Variants in SUPT3H observed in about 807,000 individuals in gnomAD.
SUPT3H encodes the protein transcription initiation protein SPT3 homolog.
Under a neutral mutation model 44.3 loss-of-function variants are expected in SUPT3H, and 44 were observed. The ratio of observed to expected loss-of-function variants is 0.99; its 90% CI spans 0.78 to 1.28. SUPT3H has a LOEUF of 1.28. Ranked by LOEUF, SUPT3H falls within the 50% of genes most tolerant of loss-of-function variation. The pLI, the probability that SUPT3H is intolerant of heterozygous loss-of-function variation, is 0.00. For synonymous variants in SUPT3H, 124 were observed against 125.6 expected (o/e 0.99, Z 0.09); for missense variants, 380 against 387.1 (o/e 0.98, Z 0.15).
intron 2 of SUPT3H, among the ~76,000 whole-genome samples, chr6:45,247,784 A>T (rs181061201): frequency 6.6e-6 from 1 of 152,268 alleles, no homozygotes; most frequent in African/African-American, 2.4e-5. Context: ...GTTGAAAAAG[A>T]AGAACAAAAA....
chr6:45,210,116 G>A, intron 2 of SUPT3H, among the ~76,000 whole-genome samples: 1 of 151,966 alleles, frequency 6.6e-6, no homozygotes, highest in Non-Finnish European at 1.5e-5. Flanking sequence ...AAGACATAAG[G>A]CTACTGGAAA....
intron 2 of SUPT3H, among the ~76,000 whole-genome samples, chr6:45,255,909 T>G (rs1773303400): frequency 6.6e-6 from 1 of 152,218 alleles, no homozygotes; most frequent in African/African-American, 2.4e-5. Flanking sequence ...TGGTGGCTCA[T>G]GCCTATAATC....
rs1378271158 is a variant in SUPT3H at position 45,014,796 on chromosome 6, G to A, written c.364+5C>T. 6.4e-7 allele frequency: 1 copy of A among 1,565,582 alleles called. No homozygotes were observed. The highest frequency in any genetic ancestry group is 1.4e-5 in the African/African-American group (1 of 72,852). On this transcript the variant is annotated splice_donor_5th_base_variant and intron_variant, in intron 5 of 10. Coordinates refer to ENST00000371459, the MANE Select transcript of SUPT3H (RefSeq NM_003599.4). Reference sequence around the variant, plus strand: ...TGTTTTAGTTTTGTGTTTTGTTTTGGTTACCTTCGAGAAGATCATCCTCAT... The same window carrying A: ...TGTTTTAGTTTTGTGTTTTGTTTTGATTACCTTCGAGAAGATCATCCTCAT...
intron 6 of SUPT3H, among the ~76,000 whole-genome samples, chr6:44,980,744 G>A (rs1778982456): frequency 6.6e-6 from 1 of 152,084 alleles, no homozygotes; most frequent in South Asian, 2.1e-4. Flanking sequence ...CCTCTAATAA[G>A]TTTAAGAATG....
intron 3 of SUPT3H, among the ~76,000 whole-genome samples, chr6:45,092,750 CAAAAAAAA>C (rs71674371): frequency 0.41 from 52,052 of 127,938 alleles, 9,884 homozygotes; most frequent in Admixed American, 0.48. Context: ...GACTTCGTCT[CAAAAAAAA>C]AAAAAAAAAA....
intron 6 of SUPT3H, among the ~76,000 whole-genome samples, chr6:44,969,669 C>A (rs1002964836): frequency 1.2e-4 from 18 of 152,152 alleles, no homozygotes; most frequent in African/African-American, 3.4e-4. Context: ...AAGGGACCGA[C>A]TCAGAATCCT....
chr6:45,185,403 CAA>C (rs1246336679), intron 2 of SUPT3H, among the ~76,000 whole-genome samples: 1 of 152,084 alleles, frequency 6.6e-6, no homozygotes, highest in Non-Finnish European at 1.5e-5. Flanking sequence ...TACCCAGAAG[CAA>C]AGAGACTTGT....
chr6:44,817,185 A>G (rs1184748795), intron 11 of SUPT3H, among the ~76,000 whole-genome samples: 2 of 152,052 alleles, frequency 1.3e-5, no homozygotes, highest in East Asian at 3.9e-4. Flanking sequence ...CCAGTAATGA[A>G]AGATTAGTTC....
At chr6:45,029,885 C>T (rs1786648927) in intron 3 of SUPT3H, among the ~76,000 whole-genome samples, 1 of 152,200 alleles carries the variant, frequency 6.6e-6, no homozygotes, top group Non-Finnish European at 1.5e-5. Flanking sequence ...CCACCTCAGC[C>T]TCCTGAAGAG....
intron 5 of SUPT3H, among the ~76,000 whole-genome samples, chr6:45,009,927 G>A (rs1417504453): frequency 2.0e-5 from 3 of 152,120 alleles, no homozygotes; most frequent in East Asian, 3.8e-4. Context: ...TGTAGGCCAA[G>A]TTGGAGAGTA....
At chr6:44,943,639 A>G (rs140559085) in intron 9 of SUPT3H, among the ~76,000 whole-genome samples, 1 of 152,278 alleles carries the variant, frequency 6.6e-6, no homozygotes, top group Non-Finnish European at 1.5e-5. Flanking sequence ...CAATTCTGAA[A>G]GCATCCAGAG....
At chr6:45,062,568 G>T (rs1038816248) in intron 3 of SUPT3H, among the ~76,000 whole-genome samples, 4 of 152,312 alleles carry the variant, frequency 2.6e-5, no homozygotes, top group Admixed American at 6.5e-5. Context: ...TCTCACTAGG[G>T]AGTGCCAGAC....
intron 10 of SUPT3H, among the ~76,000 whole-genome samples, chr6:44,837,348 T>C (rs571874565): frequency 1.3e-5 from 2 of 152,358 alleles, no homozygotes; most frequent in East Asian, 3.9e-4. Context: ...AATTAAATGC[T>C]TAATAAATAG....
chr6:44,998,223 G>A (rs1435705466), intron 6 of SUPT3H, among the ~76,000 whole-genome samples: 1 of 151,666 alleles, frequency 6.6e-6, no homozygotes, highest in East Asian at 1.9e-4. Flanking sequence ...GAATTAAAGA[G>A]CTCTTCCATA....
intron 2 of SUPT3H, among the ~76,000 whole-genome samples, chr6:45,137,152 T>C (rs1804425497): frequency 6.6e-6 from 1 of 152,014 alleles, no homozygotes. Flanking sequence ...AGCAAAACTA[T>C]TTTTTAAAAA....
chr6:44,946,780 T>C (rs1216256213), intron 9 of SUPT3H, among the ~76,000 whole-genome samples: 1 of 152,192 alleles, frequency 6.6e-6, no homozygotes, highest in Non-Finnish European at 1.5e-5. Flanking sequence ...TTAGACTTAG[T>C]TCCATAAACT....
intron 10 of SUPT3H, among the ~76,000 whole-genome samples, chr6:44,887,095 C>G (rs2153438164): frequency 6.6e-6 from 1 of 152,272 alleles, no homozygotes; most frequent in East Asian, 1.9e-4. Context: ...GCACCCAAGA[C>G]AGGAGCACCC....
At chr6:44,985,759 T>G (rs1163617408) in intron 6 of SUPT3H, among the ~76,000 whole-genome samples, 1 of 152,158 alleles carries the variant, frequency 6.6e-6, no homozygotes, top group African/African-American at 2.4e-5. Context: ...TTCCAACAAG[T>G]ACAGCACCTC....
At chr6:44,892,798 T>C (rs1763511452) in intron 10 of SUPT3H, among the ~76,000 whole-genome samples, 1 of 152,168 alleles carries the variant, frequency 6.6e-6, no homozygotes, top group South Asian at 2.1e-4. Context: ...GCCTCTTGAC[T>C]TCTGCTCTTT....
Sources: allele counts gnomAD v4.1 joint callset (sites outside exome capture counted in the v4.1 genomes callset), GRCh38; gene constraint gnomAD v4.1.1; transcripts MANE v1.5; gene names NCBI Gene and HGNC (gene_info 2026-07-23, HGNC 2026-07-21).